The following KCND2 variants were observed in gnomAD, a reference collection of about 807,000 sequenced individuals.
KCND2 encodes potassium voltage-gated channel subfamily D member 2, also known as A-type voltage-gated potassium channel KCND2.
A neutral mutation model predicts 54.4 loss-of-function variants in KCND2; 16 were observed. That is an observed-to-expected ratio of 0.29 (90% CI 0.20 to 0.45). The LOEUF (loss-of-function observed/expected upper bound fraction) is 0.45, where lower values mean the gene tolerates loss of function less well. Ranked by LOEUF, KCND2 falls within the 20% of genes least tolerant of loss-of-function variation. KCND2 has a pLI of 1.00. For synonymous variants in KCND2, 317 were observed against 310.7 expected, an observed-to-expected ratio of 1.02 and a Z score of -0.21; for missense variants, 486 against 824.2, an observed-to-expected ratio of 0.59 and a Z score of 5.02.
At chr7:120,647,326 G>A (rs1301982705) in intron 1 of KCND2, among the ~76,000 whole-genome samples, 2 of 152,136 alleles carry the variant, frequency 1.3e-5, no homozygotes, top group Non-Finnish European at 2.9e-5. Flanking sequence ...TGGCTGGCTG[G>A]AGTTATAAGG....
At chr7:120,456,333 G>T (rs1309490073) in intron 1 of KCND2, among the ~76,000 whole-genome samples, 1 of 152,156 alleles carries the variant, frequency 6.6e-6, no homozygotes, top group Non-Finnish European at 1.5e-5. Context: ...TGAAGTAATG[G>T]CATCAGTTTG....
chr7:120,523,552 T>G (rs1322054831), intron 1 of KCND2, among the ~76,000 whole-genome samples: 1 of 149,432 alleles, frequency 6.7e-6, no homozygotes, highest in Non-Finnish European at 1.5e-5. Flanking sequence ...TGGAAAAAAA[T>G]TGCTATTCTC....
rs1400483770 is a variant in KCND2, at chr7:120,275,043, C to T, written c.411C>T (p.Tyr137=). The change falls in exon 1 of 6, where the codon TAC becomes TAT. Residue 137 remains tyrosine (Y), a synonymous_variant. Transcript: ENST00000331113. ...TCGGCGACTGCTGTTATGAGGAGTA[C>T]AAGGATCGCAGGCGAGAGAACGCCG... ...EIIGDCCYEE[Y]KDRRRENAER... is the part of the protein sequence containing the mutation. 1.2e-6 allele frequency: 2 copies of T among 1,614,046 alleles called. No individual in the cohort carries two copies. The highest frequency in any genetic ancestry group is 1.1e-5 in the South Asian group (1 of 91,074).
intron 1 of KCND2, among the ~76,000 whole-genome samples, chr7:120,725,748 C>T (rs1255606316): frequency 6.6e-6 from 1 of 152,164 alleles, no homozygotes; most frequent in Non-Finnish European, 1.5e-5. Flanking sequence ...TCGATACTCC[C>T]TTAAGTATCT....
At chr7:120,472,450 A>G (rs913034620) in intron 1 of KCND2, among the ~76,000 whole-genome samples, 3 of 152,146 alleles carry the variant, frequency 2.0e-5, no homozygotes, top group African/African-American at 7.2e-5. Flanking sequence ...ACATTGTTCT[A>G]GTAGTGAATC....
intron 1 of KCND2, among the ~76,000 whole-genome samples, chr7:120,425,012 T>C (rs1484764606): frequency 6.6e-6 from 1 of 152,240 alleles, no homozygotes; most frequent in African/African-American, 2.4e-5. Flanking sequence ...GGGTAACAAA[T>C]TGATTTCATT....
At chr7:120,426,426 G>T (rs1801706713) in intron 1 of KCND2, among the ~76,000 whole-genome samples, 1 of 151,940 alleles carries the variant, frequency 6.6e-6, no homozygotes, top group Non-Finnish European at 1.5e-5. Flanking sequence ...GATTTTGATG[G>T]TCAATTTAAT....
intron 1 of KCND2, among the ~76,000 whole-genome samples, chr7:120,682,257 T>A (rs1475368873): frequency 6.6e-6 from 1 of 152,006 alleles, no homozygotes; most frequent in Non-Finnish European, 1.5e-5. Flanking sequence ...CTCTCAGGGA[T>A]GTATGGAAGA....
chr7:120,614,738 T>C lies in KCND2; in HGVS notation c.1116-118165T>C, dbSNP rs551874565. Reference sequence around the variant, plus strand: ...ATATTGATATTTTTCTAATGTTAAGTAATTATAAAACATTACTTTGTATTA... The same window carrying C: ...ATATTGATATTTTTCTAATGTTAAGCAATTATAAAACATTACTTTGTATTA... On this transcript the variant is annotated intron_variant, in intron 1 of 5. Transcript: ENST00000331113. Among the ~76,000 whole-genome samples the C allele has an allele frequency of 1.8e-4, 28 of 152,338 alleles. No homozygotes were observed. The East Asian group carries it at 3.5e-3, about 19-fold the overall frequency.
chr7:120,334,029 T>A (rs1055467581), intron 1 of KCND2, among the ~76,000 whole-genome samples: 1 of 152,182 alleles, frequency 6.6e-6, no homozygotes, highest in Non-Finnish European at 1.5e-5. Context: ...GAAATAGAAA[T>A]TGGGTTCTTG....
At chr7:120,592,326 C>T (rs1335262846) in intron 1 of KCND2, among the ~76,000 whole-genome samples, 1 of 152,092 alleles carries the variant, frequency 6.6e-6, no homozygotes, top group Non-Finnish European at 1.5e-5. Flanking sequence ...AAGCCGGTGG[C>T]AGATCACTTG....
chr7:120,400,398 G>T (rs1446243048), intron 1 of KCND2, among the ~76,000 whole-genome samples: 1 of 152,064 alleles, frequency 6.6e-6, no homozygotes, highest in African/African-American at 2.4e-5. Context: ...AAGTTACTCA[G>T]CTATCAAACA....
intron 1 of KCND2, among the ~76,000 whole-genome samples, chr7:120,723,010 G>C (rs984842509): frequency 6.6e-6 from 1 of 152,180 alleles, no homozygotes; most frequent in Non-Finnish European, 1.5e-5. Context: ...ACAGCCTGCA[G>C]GGCAGCAGCG....
intron 1 of KCND2, among the ~76,000 whole-genome samples, chr7:120,592,464 G>A (rs1333463265): frequency 6.6e-6 from 1 of 152,100 alleles, no homozygotes; most frequent in Non-Finnish European, 1.5e-5. Context: ...CTTGAACCCA[G>A]GAGGTTTCAG....
At chr7:120,409,141 A>G (rs1801409961) in intron 1 of KCND2, among the ~76,000 whole-genome samples, 1 of 151,946 alleles carries the variant, frequency 6.6e-6, no homozygotes, top group Non-Finnish European at 1.5e-5. Flanking sequence ...CTGCTGGGAA[A>G]TGATGTGGCA....
intron 2 of KCND2, among the ~76,000 whole-genome samples, chr7:120,739,299 G>T (rs10256716): frequency 0.11 from 16,304 of 151,868 alleles, 2,318 homozygotes; most frequent in African/African-American, 0.33. Context: ...AAAGAGACTT[G>T]AAGACTGAAA....
At chr7:120,674,245 G>GCC (rs2116577536) in intron 1 of KCND2, among the ~76,000 whole-genome samples, 1 of 152,174 alleles carries the variant, frequency 6.6e-6, no homozygotes, top group African/African-American at 2.4e-5. Flanking sequence ...AGTAAACACA[G>GCC]ATGACATTTG....
intron 1 of KCND2, among the ~76,000 whole-genome samples, chr7:120,713,544 T>C (rs1792566557): frequency 6.6e-6 from 1 of 152,162 alleles, no homozygotes; most frequent in Non-Finnish European, 1.5e-5. Context: ...GCTACTCTAG[T>C]GTTCAGCAAT....
At chr7:120,329,272 C>T (rs1054026668) in intron 1 of KCND2, among the ~76,000 whole-genome samples, 17 of 152,058 alleles carry the variant, frequency 1.1e-4, no homozygotes, top group Non-Finnish European at 2.4e-4. Context: ...CAGGTGCCCA[C>T]CACCATGCCC....
Sources: allele counts gnomAD v4.1 joint callset (sites outside exome capture counted in the v4.1 genomes callset), GRCh38; gene constraint gnomAD v4.1.1; transcripts MANE v1.5; gene names NCBI Gene and HGNC (gene_info 2026-07-23, HGNC 2026-07-21).